CSMD1: variants seen among roughly 807,000 people sequenced by gnomAD.
The protein encoded by CSMD1 is CUB and Sushi multiple domains 1.
In CSMD1, 213 loss-of-function variants were observed where a neutral mutation model predicts 417.5. The observed-to-expected ratio is 0.51, with a 90% CI of 0.46 to 0.57. The LOEUF (loss-of-function observed/expected upper bound fraction) is 0.57. Ranked by LOEUF, CSMD1 falls within the 20% of genes least tolerant of loss-of-function variation. The probability of loss-of-function intolerance (pLI) is 0.00; values close to 1 mark genes in which losing one functional copy is unlikely to be tolerated. For missense variants in CSMD1, 6,923 were observed against 4,529.7 expected (o/e 1.53, Z -15.17); for synonymous variants, 2,862 against 1,736.8 (o/e 1.65, Z -16.11).
chr8:4,054,257 A>G (rs1465686818), intron 3 of CSMD1, among the ~76,000 whole-genome samples: 1 of 146,306 alleles, frequency 6.8e-6, no homozygotes, highest in African/African-American at 2.5e-5. Flanking sequence ...CGACTTTGAG[A>G]GTTAAGAGGT....
chr8:3,727,040 A>G (rs1226380854), intron 6 of CSMD1, among the ~76,000 whole-genome samples: 1 of 152,160 alleles, frequency 6.6e-6, no homozygotes, highest in African/African-American at 2.4e-5. Flanking sequence ...TTAGTTACTA[A>G]TGGTAGCTAT....
At chr8:4,049,856 C>T (rs999811870) in intron 3 of CSMD1, among the ~76,000 whole-genome samples, 1 of 152,132 alleles carries the variant, frequency 6.6e-6, no homozygotes, top group Non-Finnish European at 1.5e-5. Context: ...TTCTTCTTCA[C>T]TAAAGTCTTA....
At chr8:3,961,531 A>G (rs1185386522) in intron 5 of CSMD1, among the ~76,000 whole-genome samples, 2 of 151,714 alleles carry the variant, frequency 1.3e-5, no homozygotes, top group African/African-American at 4.8e-5. Flanking sequence ...TTGTGAAGAC[A>G]ATAGGAAATC....
intron 5 of CSMD1, among the ~76,000 whole-genome samples, chr8:3,811,720 C>T (rs139311809): frequency 2.8e-4 from 42 of 152,044 alleles, no homozygotes; most frequent in African/African-American, 9.4e-4. Context: ...ATTGTGAAAG[C>T]GGATTTCACA....
chr8:3,766,864 C>G (rs971092615), intron 5 of CSMD1, among the ~76,000 whole-genome samples: 42 of 152,202 alleles, frequency 2.8e-4, no homozygotes, highest in African/African-American at 9.2e-4. Context: ...TTTTTTCTAG[C>G]AAATTTCTTA....
At chr8:4,464,831 G>T (rs1288408159) in intron 2 of CSMD1, among the ~76,000 whole-genome samples, 1 of 152,130 alleles carries the variant, frequency 6.6e-6, no homozygotes, top group Non-Finnish European at 1.5e-5. Context: ...TGGGAGGAAA[G>T]TATCTATGAT....
At chr8:3,884,629 A>C (rs1159352362) in intron 5 of CSMD1, among the ~76,000 whole-genome samples, 1 of 152,182 alleles carries the variant, frequency 6.6e-6, no homozygotes, top group Admixed American at 6.5e-5. Context: ...TTAAACAAAA[A>C]GACGTTACTT....
chr8:3,659,590 G>T (rs1798307527), intron 7 of CSMD1, among the ~76,000 whole-genome samples: 1 of 152,132 alleles, frequency 6.6e-6, no homozygotes, highest in Non-Finnish European at 1.5e-5. Context: ...ATTCAACTGT[G>T]AATTGGTCCC....
intron 12 of CSMD1, among the ~76,000 whole-genome samples, chr8:3,425,186 G>A (rs1252329029): frequency 1.3e-5 from 2 of 152,104 alleles, no homozygotes; most frequent in Non-Finnish European, 2.9e-5. Context: ...AACTTTATCA[G>A]GAGTATGTAC....
At chr8:4,056,713 G>A (rs186222762) in intron 3 of CSMD1, among the ~76,000 whole-genome samples, 17 of 151,890 alleles carry the variant, frequency 1.1e-4, no homozygotes, top group African/African-American at 4.1e-4. Context: ...AGGCCCTGGT[G>A]TGTGATGTAC....
At chr8:3,593,573 T>A (rs969544853) in intron 8 of CSMD1, among the ~76,000 whole-genome samples, 2 of 152,192 alleles carry the variant, frequency 1.3e-5, no homozygotes, top group Admixed American at 6.5e-5. Flanking sequence ...AGATCTGACT[T>A]TTAACCTGCT....
chr8:3,435,109 C>T (rs1322388539), intron 12 of CSMD1, among the ~76,000 whole-genome samples: 1 of 152,148 alleles, frequency 6.6e-6, no homozygotes, highest in Non-Finnish European at 1.5e-5. Flanking sequence ...GGAGAGACAG[C>T]ACACCCCTAC....
At chr8:3,285,845 T>A (rs118095973) in intron 25 of CSMD1, among the ~76,000 whole-genome samples, 5,577 of 151,574 alleles carry the variant, frequency 0.037, 168 homozygotes, top group Admixed American at 0.088. Context: ...ATTTTATTAT[T>A]ATTATACTTT....
At position 4,405,888 on chromosome 8, in the gene CSMD1, G is replaced by C. The variant is rs184835221; in HGVS notation, c.415+14065C>G. Among the ~76,000 whole-genome samples the C allele has an allele frequency of 1.8e-3, 271 of 152,076 alleles. 1 individual carries two copies. Among genetic ancestry groups the C allele is most frequent in the Non-Finnish European group, 2.5e-3 (172 of 68,032 alleles). The stretch of plus-strand genomic sequence containing the variant: ...TTTAGAAATGCATGTGGTTATTTTT[G>C]GTCAATCCTAATATTTGCTCCAAGG... On this transcript the variant is annotated intron_variant, in intron 3 of 69. Transcript: ENST00000635120.
At position 4,888,436 on chromosome 8, in the gene CSMD1, G is replaced by A. The variant is rs140503020; in HGVS notation, c.85+105896C>T. On this transcript the variant is annotated intron_variant, in intron 1 of 69. Coordinates refer to ENST00000635120, the MANE Select transcript of CSMD1 (RefSeq NM_033225.6). The stretch of plus-strand genomic sequence containing the variant: ...CATTCAAAACTGTCACACAACATAT[G>A]ATATACATATATATTGTTTTGCACG... Among the ~76,000 whole-genome samples the A allele has an allele frequency of 4.6e-3, 690 of 151,480 alleles. 2 individuals are homozygous for A. The highest frequency in any genetic ancestry group is 7.4e-3 in the Non-Finnish European group (502 of 67,892).
At chr8:3,845,522 G>A (rs1803446367) in intron 5 of CSMD1, among the ~76,000 whole-genome samples, 1 of 152,280 alleles carries the variant, frequency 6.6e-6, no homozygotes, top group East Asian at 1.9e-4. Context: ...GCCATGAATG[G>A]AGCTTGCAGG....
chr8:3,839,417 AAT>A (rs1344262146), intron 5 of CSMD1, among the ~76,000 whole-genome samples: 1,730 of 57,688 alleles, frequency 0.03, 52 homozygotes, highest in African/African-American at 0.082. Flanking sequence ...ATAAAAAATA[AAT>A]ATATATAATA....
At chr8:3,797,640 C>G (rs953236371) in intron 5 of CSMD1, among the ~76,000 whole-genome samples, 1 of 151,910 alleles carries the variant, frequency 6.6e-6, no homozygotes, top group Admixed American at 6.6e-5. Flanking sequence ...TTCTTTTATA[C>G]AAATATGTTA....
At chr8:4,281,284 G>A (rs1032057376) in intron 3 of CSMD1, among the ~76,000 whole-genome samples, 4 of 152,216 alleles carry the variant, frequency 2.6e-5, no homozygotes. Flanking sequence ...TGGGAAAATA[G>A]AAGGTAGAGA....
Sources: allele counts gnomAD v4.1 joint callset (sites outside exome capture counted in the v4.1 genomes callset), GRCh38; gene constraint gnomAD v4.1.1; transcripts MANE v1.5; gene names NCBI Gene and HGNC (gene_info 2026-07-23, HGNC 2026-07-21).